VWA8: variants seen among roughly 807,000 people sequenced by gnomAD.
VWA8 encodes the protein von Willebrand factor A domain-containing protein 8.
VWA8 carries 221 observed loss-of-function variants against 241.5 expected under a neutral mutation model. The observed-to-expected ratio is 0.91, with a 90% confidence interval of 0.82 to 1.02. The LOEUF is 1.02. Among genes scored for constraint, VWA8 ranks in the 50% least tolerant of loss-of-function variants. The pLI is 0.00. For synonymous variants in VWA8, 852 were observed against 827.1 expected, an observed-to-expected ratio of 1.03 and a Z score of -0.52; for missense variants, 2,322 against 2,328.7, an observed-to-expected ratio of 1.00 and a Z score of 0.06.
intron 12 of VWA8, among the ~76,000 whole-genome samples, chr13:41,857,629 T>C (rs1345405263): frequency 2.6e-5 from 4 of 152,170 alleles, no homozygotes; most frequent in Non-Finnish European, 5.9e-5. Context: ...TGGCAAATAA[T>C]ATTACAAATA....
At chr13:41,806,730 T>C (rs1870228192) in intron 17 of VWA8, among the ~76,000 whole-genome samples, 3 of 151,294 alleles carry the variant, frequency 2.0e-5, no homozygotes, top group Non-Finnish European at 4.4e-5. Context: ...CTACAAAAAT[T>C]AGCTGAGTGT....
intron 2 of VWA8, among the ~76,000 whole-genome samples, chr13:41,931,074 G>A (rs1468055193): frequency 6.6e-6 from 1 of 151,114 alleles, no homozygotes; most frequent in Non-Finnish European, 1.5e-5. Flanking sequence ...GCTTGAACCC[G>A]GGAGACGAAG....
intron 26 of VWA8, among the ~76,000 whole-genome samples, chr13:41,704,381 G>C (rs2045269427): frequency 6.6e-6 from 1 of 151,814 alleles, no homozygotes. Flanking sequence ...TATTTAAAAT[G>C]ACTTTCAAAT....
chr13:41,787,726 T>A (rs1416021834), intron 17 of VWA8, among the ~76,000 whole-genome samples, 183 bp from the exon 18 acceptor site: 1 of 152,160 alleles, frequency 6.6e-6, no homozygotes, highest in East Asian at 1.9e-4. Flanking sequence ...ATAAACTTAA[T>A]GTACGTGTGA....
Position 41,727,180 on chromosome 13 carries a change from A to C in VWA8, c.2758+14T>G. On this transcript the variant is annotated intron_variant, in intron 24 of 44. Coordinates refer to ENST00000379310, the MANE Select transcript of VWA8 (RefSeq NM_015058.2). ...TACTGCTATTGGTATTGTTATTATC[A>C]TTACTGTTTTTACCTAAGGTACCGA... The C allele has an allele frequency of 6.5e-7, 1 of 1,531,436 alleles. No homozygotes were observed. The highest frequency in any genetic ancestry group is 8.8e-7 in the Non-Finnish European group (1 of 1,136,318). The allele number at this position is 1,531,436 out of a possible 1,614,324, so 94.9% of individuals were successfully genotyped here.
intron 12 of VWA8, among the ~76,000 whole-genome samples, chr13:41,854,441 AT>A (rs1872656775): frequency 7.1e-6 from 1 of 139,934 alleles, no homozygotes; most frequent in South Asian, 2.2e-4. Context: ...AGTTTTAAAA[AT>A]ATTTCAAAAT....
intron 2 of VWA8, among the ~76,000 whole-genome samples, chr13:41,947,203 T>A (rs983203085): frequency 3.3e-5 from 5 of 152,220 alleles, no homozygotes; most frequent in African/African-American, 1.2e-4. Context: ...AAAGTCTTCC[T>A]TACCCGGCTT....
intron 37 of VWA8, among the ~76,000 whole-genome samples, chr13:41,615,814 A>T (rs2044617270): frequency 1.3e-5 from 2 of 152,236 alleles, no homozygotes; most frequent in Non-Finnish European, 2.9e-5. Flanking sequence ...CACCAAAAGG[A>T]GTGACAACCA....
chr13:41,691,646 G>C (rs1209217432), intron 31 of VWA8, among the ~76,000 whole-genome samples: 2 of 152,136 alleles, frequency 1.3e-5, no homozygotes, highest in South Asian at 4.2e-4. Context: ...AAAAATAATG[G>C]AAAGTAGTAA....
chr13:41,597,043 TG>T (rs754873253), intron 40 of VWA8, among the ~76,000 whole-genome samples: 1 of 152,090 alleles, frequency 6.6e-6, no homozygotes, highest in Non-Finnish European at 1.5e-5. Flanking sequence ...ATTTGTTTAA[TG>T]AAGAGAATAA....
intron 4 of VWA8, among the ~76,000 whole-genome samples, chr13:41,896,155 A>G (rs926591504): frequency 1.3e-5 from 2 of 152,136 alleles, no homozygotes; most frequent in African/African-American, 4.8e-5. Context: ...TGTAAATGAA[A>G]GAGGTTAGAG....
intron 8 of VWA8, 131 bp downstream of exon 8, chr13:41,885,789 A>G (rs919226340): frequency 4.4e-6 from 3 of 674,864 alleles, no homozygotes; most frequent in South Asian, 2.2e-5. Context: ...TGCACAACAA[A>G]TTAATCTCAG....
intron 3 of VWA8, among the ~76,000 whole-genome samples, chr13:41,910,147 A>T: frequency 6.6e-6 from 1 of 152,158 alleles, no homozygotes. Context: ...TTACAAATCT[A>T]TGTTGCATTT....
At chr13:41,763,030 GGCT>G (rs2045752025) in intron 20 of VWA8, among the ~76,000 whole-genome samples, 1 of 152,012 alleles carries the variant, frequency 6.6e-6, no homozygotes, top group Non-Finnish European at 1.5e-5. Flanking sequence ...AGATTTGGGT[GGCT>G]TAAGTGGGAG....
At chr13:41,766,274 G>GA (rs1290498264) in intron 20 of VWA8, among the ~76,000 whole-genome samples, 1 of 151,494 alleles carries the variant, frequency 6.6e-6, no homozygotes, top group Non-Finnish European at 1.5e-5. Flanking sequence ...TCCTGGACAA[G>GA]AAAAAAATAC....
chr13:41,882,623 G>A (rs1231134501), intron 9 of VWA8, among the ~76,000 whole-genome samples: 5 of 152,228 alleles, frequency 3.3e-5, no homozygotes, highest in East Asian at 1.9e-4. Flanking sequence ...CCAACACAGC[G>A]AAACCCCGTC....
At chr13:41,951,848 T>C (rs965394475) in intron 1 of VWA8, among the ~76,000 whole-genome samples, 9 of 152,186 alleles carry the variant, frequency 5.9e-5, no homozygotes, top group Non-Finnish European at 1.0e-4. Context: ...ATGAGAAAAT[T>C]TGTAAATCCA....
rs2044294899 is a variant in VWA8 at position 41,570,650 on chromosome 13, T to C, written c.5427A>G (p.Thr1809=). The C allele has an allele frequency of 1.2e-6, 2 of 1,614,294 alleles. No homozygotes were observed. Among genetic ancestry groups the C allele is most frequent in the Non-Finnish European group, 8.5e-7 (1 of 1,180,058 alleles). ...TGACAATTTCCTTGATGGCATGTTC[T>C]GTCCCTTCTAACGTGTGGTCCCCAC... The part of the protein sequence containing the change: ...CMSGDHTLEG[T]EHAIKEIVKE... Residue 1809 remains threonine (T), a synonymous_variant, in exon 44 of 45, where the codon ACA becomes ACG. Transcript: ENST00000379310.
chr13:41,721,290 A>C, intron 25 of VWA8, 80 bp downstream of exon 25: 1 of 1,412,314 alleles, frequency 7.1e-7, no homozygotes, highest in Non-Finnish European at 9.7e-7. Flanking sequence ...GGAAATTAAA[A>C]ACTCTGGTAC....
Sources: gnomAD v4.1 joint callset for allele counts (sites outside exome capture counted in the v4.1 genomes callset) on GRCh38, gnomAD v4.1.1 for gene constraint, MANE v1.5 for transcripts, NCBI Gene and HGNC (gene_info 2026-07-23, HGNC 2026-07-21) for gene names.